Variants in ZNF462 observed in about 807,000 individuals in gnomAD.
ZNF462 encodes zinc finger PBX1-interacting protein.
ZNF462 carries 10 observed loss-of-function variants against 201.9 expected under a neutral mutation model. The observed-to-expected ratio is 0.05, with a 90% CI of 0.03 to 0.08. The LOEUF (loss-of-function observed/expected upper bound fraction) is 0.08, where lower values mean the gene tolerates loss of function less well. Ranked by LOEUF, ZNF462 falls within the 10% of genes least tolerant of loss-of-function variation. The pLI is 1.00. For missense variants in ZNF462, 2,523 were observed against 3,168.3 expected, an observed-to-expected ratio of 0.80 and a Z score of 4.89; for synonymous variants, 1,227 against 1,193.3, an observed-to-expected ratio of 1.03 and a Z score of -0.58.
At position 106,930,842 on chromosome 9, in the gene ZNF462, C is replaced by A; in HGVS notation, c.6012+153C>A. On this transcript the variant is annotated intron_variant, in intron 4 of 12. Transcript: ENST00000277225. The surrounding 1 kb of genome is among the most constrained non-coding windows in gnomAD (Gnocchi z 5.8). ...GGTTTGGCTTGTTTTGATTTCTTTGCAGGTTGGACCTTCCTCATCTTTCTG... is the reference window on the plus strand; with the variant it reads ...GGTTTGGCTTGTTTTGATTTCTTTGAAGGTTGGACCTTCCTCATCTTTCTG... 1 of 882,148 alleles carries A rather than the reference C, an allele frequency of 1.1e-6. No homozygotes were observed. Among genetic ancestry groups the A allele is most frequent in the East Asian group, 2.8e-5 (1 of 36,080 alleles). 54.6% of individuals were successfully genotyped at this position (882,148 alleles called of 1,614,324 possible). A position where few individuals can be genotyped will look rare whatever the true frequency, so the allele number is the denominator to read the frequency against.
chr9:106,875,470 G>A (rs566687014), intron 1 of ZNF462, among the ~76,000 whole-genome samples: 5 of 152,208 alleles, frequency 3.3e-5, no homozygotes, highest in South Asian at 2.1e-4. Flanking sequence ...ATCTTAAAAC[G>A]AAAAAGAGAG....
chr9:106,929,180 G>A lies in ZNF462; in HGVS notation c.5268G>A (p.Leu1756=). The part of the protein sequence containing the change: ...PSPPKDDSPQ[L]SEELRRAVEK... ...CGCCCAAGGACGACTCCCCTCAGCT[G>A]AGCGAGGAACTCCGGCGGGCAGTGG... Residue 1756 remains leucine, a synonymous_variant, in exon 3 of 13, where the codon CTG becomes CTA. Transcript: ENST00000277225. The surrounding 1 kb of genome is among the most constrained non-coding windows in gnomAD (Gnocchi z 8.7). 5 of 1,614,148 alleles carry A rather than the reference G, an allele frequency of 3.1e-6. No individual in the cohort carries two copies. The highest frequency in any genetic ancestry group is 1.1e-5 in the South Asian group (1 of 91,080).
Position 106,962,414 on chromosome 9 carries a change from A to G in ZNF462, c.6428-9591A>G, listed in dbSNP as rs765922728. 2.0e-5 allele frequency among the ~76,000 whole-genome samples: 3 copies of G among 152,086 alleles called. No individual in the cohort carries two copies. The highest frequency in any genetic ancestry group is 4.4e-5 in the Non-Finnish European group (3 of 67,990). On this transcript the variant is annotated intron_variant, in intron 7 of 12. Coordinates refer to ENST00000277225, the MANE Select transcript of ZNF462 (RefSeq NM_021224.6). The surrounding 1 kb of genome is among the most constrained non-coding windows in gnomAD (Gnocchi z 4.6). ...AAGACAAATGAATATGTTCCCAAGT[A>G]TACGATCTAGTGAATTGAAAAGTCC...
intron 10 of ZNF462, among the ~76,000 whole-genome samples, chr9:106,997,280 A>G (rs1020081205): frequency 5.9e-5 from 9 of 152,158 alleles, no homozygotes; most frequent in African/African-American, 2.2e-4. Flanking sequence ...TCCTCAGAAA[A>G]TTAAAGATAG....
chr9:106,968,147 C>CA lies in ZNF462; in HGVS notation c.6428-3857dup, dbSNP rs1832166524. Among the ~76,000 whole-genome samples the CA allele has an allele frequency of 5.3e-5, 8 of 152,298 alleles. No individual in the cohort carries two copies. In the South Asian group the frequency reaches 1.7e-3, roughly 32 times the overall value. ...GAACAGATGCCTAAGACACAAGACT[C>CA]AGACTTTATAATCAGACAGGTCTTT... On this transcript the variant is annotated intron_variant, in intron 7 of 12. Transcript: ENST00000277225. This position sits in a 1 kb window ranked among gnomAD's most constrained non-coding sequence, Gnocchi z 4.0.
intron 1 of ZNF462, among the ~76,000 whole-genome samples, chr9:106,921,700 G>A (rs779141872): frequency 6.6e-6 from 1 of 152,192 alleles, no homozygotes; most frequent in Non-Finnish European, 1.5e-5. Context: ...AAATGCAGGA[G>A]TTGTCTGCAC....
chr9:106,946,470 G>C (rs919756874), intron 7 of ZNF462, among the ~76,000 whole-genome samples: 4 of 152,070 alleles, frequency 2.6e-5, no homozygotes, highest in African/African-American at 7.2e-5. Flanking sequence ...CCCTCAAACT[G>C]TCTTGAGACT....
Position 106,978,732 on chromosome 9 carries a change from G to C in ZNF462, c.6832+4459G>C, listed in dbSNP as rs1827199119. 6.6e-6 allele frequency: 1 copy of C among 152,106 alleles called. No individual in the cohort carries two copies. The highest frequency in any genetic ancestry group is 2.1e-4 in the South Asian group (1 of 4,830). The allele number at this position is 152,106 out of a possible 1,614,324, so 9.4% of individuals were successfully genotyped here. On this transcript the variant is annotated intron_variant, in intron 9 of 12. Coordinates refer to ENST00000277225, the MANE Select transcript of ZNF462 (RefSeq NM_021224.6). The surrounding 1 kb of genome is among the most constrained non-coding windows in gnomAD (Gnocchi z 4.1). ...ATTTTGTTTTTGGCTTTTTGAAGGAGACTTTTTATTATTTTTATATACAGA... is the reference window on the plus strand; with the variant it reads ...ATTTTGTTTTTGGCTTTTTGAAGGACACTTTTTATTATTTTTATATACAGA...
intron 7 of ZNF462, among the ~76,000 whole-genome samples, chr9:106,943,453 AG>A (rs1249377269): frequency 6.6e-6 from 1 of 152,192 alleles, no homozygotes; most frequent in Non-Finnish European, 1.5e-5. Flanking sequence ...TGGCTTCACT[AG>A]CAAATACTGA....
In ZNF462 at chr9:106,970,563, G is replaced by A. The variant is rs1042163449; in HGVS notation, c.6428-1442G>A. 3.9e-5 allele frequency among the ~76,000 whole-genome samples: 6 copies of A among 152,158 alleles called. No homozygotes were observed. Among genetic ancestry groups the A allele is most frequent in the African/African-American group, 1.4e-4 (6 of 41,430 alleles). On this transcript the variant is annotated intron_variant, in intron 7 of 12. Transcript: ENST00000277225. The surrounding 1 kb of genome is among the most constrained non-coding windows in gnomAD (Gnocchi z 4.2). ...TGTCCATCAAATCAGGAGGAGGCTT[G>A]TACAGTTTCTATCCCCTTTCCCCCC...
chr9:106,869,281 A>G (rs1271296858), intron 1 of ZNF462, among the ~76,000 whole-genome samples: 2 of 152,198 alleles, frequency 1.3e-5, no homozygotes, highest in Non-Finnish European at 2.9e-5. Flanking sequence ...TACTCATTCA[A>G]AATGTGCCCT....
chr9:106,928,195 A>G lies in ZNF462; in HGVS notation c.4283A>G (p.Asn1428Ser), dbSNP rs1174432795. 2 of 1,614,100 alleles carry G rather than the reference A, an allele frequency of 1.2e-6. No homozygotes were observed. Among genetic ancestry groups the G allele is most frequent in the Admixed American group, 3.3e-5 (2 of 60,026 alleles). Residue 1428 changes from asparagine (N) to serine (S), a missense_variant, in exon 3 of 13, where the codon AAT (asparagine) becomes AGT (serine). Physicochemically the swap from Asn to Ser is conservative, Grantham distance 46 (BLOSUM62 1). This residue lies in a region of ZNF462 where 165 missense variants were observed against 142.6 expected (regional missense o/e 1.16). Coordinates refer to ENST00000277225, the MANE Select transcript of ZNF462 (RefSeq NM_021224.6). The surrounding 1 kb of genome is among the most constrained non-coding windows in gnomAD (Gnocchi z 9.3). ...TCCGAAGAGTTGGCAGGCCCTGTGA[A>G]TTGTGAAAACAGTATACCCACCCCT... ...LSSEELAGPV[N>S]CENSIPTPFP...
At position 106,876,924 on chromosome 9, in the gene ZNF462, A is replaced by G. The variant is rs956812653; in HGVS notation, c.-31+13569A>G. ...TCTTAGCCAGTTTGAGGACTGCCCC[A>G]TAGCCTGGCTTAGAAATGCTTTGGT... On this transcript the variant is annotated intron_variant, in intron 1 of 12. Transcript: ENST00000277225. This position sits in a 1 kb window ranked among gnomAD's most constrained non-coding sequence, Gnocchi z 4.9. Among the ~76,000 whole-genome samples the G allele has an allele frequency of 2.0e-5, 3 of 152,210 alleles. No homozygotes were observed. Among genetic ancestry groups the G allele is most frequent in the South Asian group, 2.1e-4 (1 of 4,826 alleles).
chr9:106,910,362 G>GTTTTTTTTTTTTTTTTTTTTTTTTTTTT (rs1011376719), intron 1 of ZNF462, among the ~76,000 whole-genome samples: 1 of 64,808 alleles, frequency 1.5e-5, no homozygotes, highest in Non-Finnish European at 3.0e-5. Flanking sequence ...CCTTGTTTTA[G>GTTTTTTTTTTTTTTTTTTTTTTTTTTTT]TTTTTTTTTT....
chr9:106,924,154 G>T lies in ZNF462; in HGVS notation c.242G>T (p.Gly81Val). The T allele has an allele frequency of 6.2e-7, 1 of 1,603,394 alleles. No individual in the cohort carries two copies. The highest frequency in any genetic ancestry group is 8.5e-7 in the Non-Finnish European group (1 of 1,176,866). The change falls in exon 3 of 13, where the codon GGG becomes GTG. Residue 81 changes from glycine to valine, a missense_variant. Coordinates refer to ENST00000277225, the MANE Select transcript of ZNF462 (RefSeq NM_021224.6). This position sits in a 1 kb window ranked among gnomAD's most constrained non-coding sequence, Gnocchi z 6.2. ...DLSGQNATSL[G>V]TGGYYGHSPG... ...TTAGGTCAAAATGCAACTTCATTGG[G>T]GACCGGAGGTTACTATGGCCACAGT...
intron 7 of ZNF462, among the ~76,000 whole-genome samples, chr9:106,959,978 C>T (rs963755188): frequency 2.6e-5 from 4 of 151,694 alleles, no homozygotes; most frequent in Admixed American, 1.3e-4. Context: ...TAACCTAGAG[C>T]GAGGATTTTC....
intron 7 of ZNF462, among the ~76,000 whole-genome samples, chr9:106,961,096 A>G (rs1440472188): frequency 6.6e-6 from 1 of 152,100 alleles, no homozygotes. Context: ...TTGATTGTTT[A>G]TCAAAAAGCT....
Position 106,984,155 on chromosome 9 carries a change from T to G in ZNF462, c.6833-31T>G. The stretch of plus-strand genomic sequence containing the variant: ...CTTCTGTTTTGCCATCAGTAAAAAT[T>G]CCCATCTTTCCATTCAATTTGTTTC... On this transcript the variant is annotated intron_variant, in intron 9 of 12. Coordinates refer to ENST00000277225, the MANE Select transcript of ZNF462 (RefSeq NM_021224.6). The surrounding 1 kb of genome is among the most constrained non-coding windows in gnomAD (Gnocchi z 6.4). 6.3e-7 allele frequency: 1 copy of G among 1,586,420 alleles called. No individual in the cohort carries two copies. Among genetic ancestry groups the G allele is most frequent in the Non-Finnish European group, 8.6e-7 (1 of 1,163,190 alleles).
chr9:106,959,033 C>CTT (rs1831708666), intron 7 of ZNF462, among the ~76,000 whole-genome samples: 1 of 152,124 alleles, frequency 6.6e-6, no homozygotes, highest in Non-Finnish European at 1.5e-5. Flanking sequence ...CCTGAGATGA[C>CTT]TTTTTGAAGC....
Sources: allele counts gnomAD v4.1 joint callset (sites outside exome capture counted in the v4.1 genomes callset), GRCh38; gene constraint gnomAD v4.1.1; regional missense constraint gnomAD v4.1.1; non-coding constraint Gnocchi (gnomAD v3.1); transcripts MANE v1.5; gene names NCBI Gene and HGNC (gene_info 2026-07-23, HGNC 2026-07-21).